Variants in MRTFB observed in about 807,000 individuals in gnomAD.
The protein encoded by MRTFB is myocardin related transcription factor B, also known as myocardin-related transcription factor B.
In MRTFB, 29 loss-of-function variants were observed where a neutral mutation model predicts 104.2. That is an observed-to-expected ratio of 0.28 (90% CI 0.21 to 0.38). The LOEUF is 0.38. Ranked by LOEUF, MRTFB falls within the 10% of genes least tolerant of loss-of-function variation. The pLI is 1.00. For synonymous variants in MRTFB, 535 were observed against 519.5 expected (o/e 1.03, Z -0.41); for missense variants, 1,270 against 1,341.6 (o/e 0.95, Z 0.83).
At chr16:14,106,946 A>G (rs2036011674) in intron 2 of MRTFB, among the ~76,000 whole-genome samples, 1 of 152,232 alleles carries the variant, frequency 6.6e-6, no homozygotes, top group African/African-American at 2.4e-5. Flanking sequence ...AGTATATCAC[A>G]GTAGTAGTAT....
At chr16:14,086,318 G>C (rs1291107492) in intron 2 of MRTFB, among the ~76,000 whole-genome samples, 1 of 152,094 alleles carries the variant, frequency 6.6e-6, no homozygotes, top group Non-Finnish European at 1.5e-5. Flanking sequence ...CATATACTTT[G>C]TTTCTGTTGG....
chr16:14,229,109 G>A (rs1453830320), intron 8 of MRTFB, among the ~76,000 whole-genome samples: 1 of 152,074 alleles, frequency 6.6e-6, no homozygotes, highest in African/African-American at 2.4e-5. Flanking sequence ...CACTTTTAAA[G>A]CAGGGATACG....
chr16:14,001,137 G>A, the MRTFB span, among the ~76,000 whole-genome samples: 1 of 152,328 alleles, frequency 6.6e-6, no homozygotes, highest in South Asian at 2.1e-4. Context: ...TTTGCAATGA[G>A]CCATTTCATC....
At position 14,261,004 on chromosome 16, in the gene MRTFB, TC is replaced by T. The variant is rs775574125; in HGVS notation, c.2863del (p.Arg955GlyfsTer14). The T allele has an allele frequency of 6.2e-7, 1 of 1,614,114 alleles. No homozygotes were observed. Among genetic ancestry groups the T allele is most frequent in the Non-Finnish European group, 8.5e-7 (1 of 1,179,976 alleles). Reference sequence around the variant, plus strand: ...CACAATGCCAGTGAATACAGTGGTGTCCCGGCCACCACCCCAAGTCCAAATG... The same window carrying T: ...CACAATGCCAGTGAATACAGTGGTGTCCGGCCACCACCCCAAGTCCAAATG... ...ITTMPVNTVV[S>X]RPPPQVQMAP... On this transcript the variant is annotated frameshift_variant, in exon 17 of 17. Transcript: ENST00000571589. LOFTEE classifies it high-confidence loss of function.
chr16:14,147,458 C>T (rs1389991407), intron 3 of MRTFB, among the ~76,000 whole-genome samples: 2 of 152,178 alleles, frequency 1.3e-5, no homozygotes, highest in African/African-American at 4.8e-5. Flanking sequence ...TTTTGATTCA[C>T]AGTGTAAATA....
upstream of MRTFB, among the ~76,000 whole-genome samples, chr16:14,067,220 CTTT>C (rs1236193770): frequency 1.4e-4 from 18 of 127,936 alleles, no homozygotes; most frequent in Admixed American, 1.6e-4. Context: ...TGTTAACCCT[CTTT>C]TTTTTTTTTT....
intron 2 of MRTFB, among the ~76,000 whole-genome samples, chr16:14,135,187 A>G (rs1238558376): frequency 6.6e-6 from 1 of 152,162 alleles, no homozygotes; most frequent in Non-Finnish European, 1.5e-5. Flanking sequence ...CCTTGGTGTT[A>G]ATGATACCAC....
At chr16:14,076,707 T>C (rs1199085362) in intron 1 of MRTFB, among the ~76,000 whole-genome samples, 1 of 152,202 alleles carries the variant, frequency 6.6e-6, no homozygotes, top group Non-Finnish European at 1.5e-5. Flanking sequence ...GCATTTATAA[T>C]TGGTGTAAAT....
intron 10 of MRTFB, 185 bp downstream of exon 10, chr16:14,240,669 C>T (rs45520934): frequency 0.12 from 120,492 of 995,068 alleles, 8,991 homozygotes; most frequent in Non-Finnish European, 0.15. Context: ...GCATTCCATT[C>T]CAGTTTCTGT....
At chr16:14,081,073 C>A (rs933679187) in intron 2 of MRTFB, among the ~76,000 whole-genome samples, 1 of 151,858 alleles carries the variant, frequency 6.6e-6, no homozygotes, top group Admixed American at 6.6e-5. Context: ...TTTCAGAAAC[C>A]CCCACACTGT....
intron 2 of MRTFB, among the ~76,000 whole-genome samples, chr16:14,095,231 T>C (rs866059510): frequency 9.2e-5 from 14 of 152,184 alleles, no homozygotes; most frequent in Admixed American, 1.3e-4. Context: ...ATAACCACAC[T>C]GAGAATAATT....
chr16:14,220,202 A>G (rs901372368), intron 8 of MRTFB, among the ~76,000 whole-genome samples: 3 of 152,226 alleles, frequency 2.0e-5, no homozygotes, highest in East Asian at 1.9e-4. Context: ...ACTAAACCCT[A>G]CTGTGTTCTC....
chr16:14,209,785 A>G (rs887775016), intron 3 of MRTFB, among the ~76,000 whole-genome samples: 40 of 151,614 alleles, frequency 2.6e-4, no homozygotes, highest in African/African-American at 9.8e-4. Flanking sequence ...TCATAGGTCT[A>G]ATTTTTATTA....
the MRTFB span, among the ~76,000 whole-genome samples, chr16:13,996,235 GCACTC>G: frequency 6.6e-6 from 1 of 151,852 alleles, no homozygotes; most frequent in Non-Finnish European, 1.5e-5. Context: ...TCGTGCCGTT[GCACTC>G]CAGCCTGGGT....
chr16:14,166,590 C>T (rs1051159919), intron 3 of MRTFB, among the ~76,000 whole-genome samples: 13 of 152,098 alleles, frequency 8.5e-5, no homozygotes, highest in Non-Finnish European at 1.6e-4. Flanking sequence ...TGGTTTGCTG[C>T]ACCTGTCAAC....
intron 3 of MRTFB, 110 bp downstream of exon 3, chr16:14,140,870 T>C: frequency 8.2e-7 from 1 of 1,226,374 alleles, no homozygotes. Flanking sequence ...CAGTCTGTCA[T>C]GGAGGAGAAC....
At position 14,251,844 on chromosome 16, in the gene MRTFB, A is replaced by C. The variant is rs1160317742; in HGVS notation, c.2404-18A>C. On this transcript the variant is annotated intron_variant, in intron 13 of 16. Transcript: ENST00000571589. ...AAGCCAAAGAACAAATTAATGGAGA[A>C]ACATTTATTCATTACAGGTTTTCAC... 1.2e-6 allele frequency: 2 copies of C among 1,608,976 alleles called. No homozygotes were observed. Among genetic ancestry groups the C allele is most frequent in the South Asian group, 2.2e-5 (2 of 90,742 alleles).
At chr16:14,106,058 A>G (rs144260434) in intron 2 of MRTFB, among the ~76,000 whole-genome samples, 4,257 of 152,336 alleles carry the variant, frequency 0.028, 93 homozygotes, top group Non-Finnish European at 0.042. Context: ...TGCTACCACA[A>G]TAATGATTTC....
At chr16:14,093,066 CTT>C (rs1395008398) in intron 2 of MRTFB, among the ~76,000 whole-genome samples, 1 of 152,176 alleles carries the variant, frequency 6.6e-6, no homozygotes, top group Non-Finnish European at 1.5e-5. Flanking sequence ...TGGAATTTGA[CTT>C]TGGTTTTTTT....
Sources: allele counts gnomAD v4.1 joint callset (sites outside exome capture counted in the v4.1 genomes callset), GRCh38; gene constraint gnomAD v4.1.1; transcripts MANE v1.5; gene names NCBI Gene and HGNC (gene_info 2026-07-23, HGNC 2026-07-21).